The following PTPRT variants were observed in gnomAD, a reference collection of about 807,000 sequenced individuals.
PTPRT encodes protein tyrosine phosphatase receptor type T, also known as receptor-type tyrosine-protein phosphatase T.
Under a neutral mutation model 176.8 loss-of-function variants are expected in PTPRT, and 56 were observed. That is an observed-to-expected ratio of 0.32 (90% CI 0.26 to 0.40). The LOEUF (loss-of-function observed/expected upper bound fraction) is 0.40, where lower values mean the gene tolerates loss of function less well. Among genes scored for constraint, PTPRT ranks in the 10% least tolerant of loss-of-function variants. PTPRT has a pLI of 1.00. For missense variants in PTPRT, 1,540 were observed against 1,908.2 expected, an observed-to-expected ratio of 0.81 and a Z score of 3.60; for synonymous variants, 783 against 739.0, an observed-to-expected ratio of 1.06 and a Z score of -0.96.
intron 7 of PTPRT, among the ~76,000 whole-genome samples, chr20:42,659,788 G>A (rs1033942553): frequency 8.6e-5 from 13 of 152,026 alleles, no homozygotes; most frequent in Non-Finnish European, 1.2e-4. Context: ...AAATGGATTC[G>A]CTGCTTAACC....
chr20:42,835,852 T>C (rs1372687897), intron 2 of PTPRT, among the ~76,000 whole-genome samples: 1 of 152,076 alleles, frequency 6.6e-6, no homozygotes, highest in Non-Finnish European at 1.5e-5. Flanking sequence ...TTCTCCCTTC[T>C]CTTTAATCAG....
intron 14 of PTPRT, among the ~76,000 whole-genome samples, chr20:42,246,925 A>G (rs1477987161): frequency 1.3e-5 from 2 of 152,252 alleles, no homozygotes; most frequent in African/African-American, 4.8e-5. Flanking sequence ...TCTTACATGT[A>G]CAATGTGCTT....
chr20:42,880,926 A>T (rs1268583586), intron 2 of PTPRT, among the ~76,000 whole-genome samples: 3 of 152,204 alleles, frequency 2.0e-5, no homozygotes, highest in African/African-American at 7.2e-5. Context: ...CAATTCACAG[A>T]GGTGGGGTGG....
At chr20:42,208,631 A>C (rs1367900901) in intron 15 of PTPRT, among the ~76,000 whole-genome samples, 16 of 151,850 alleles carry the variant, frequency 1.1e-4, no homozygotes, top group African/African-American at 1.5e-4. Flanking sequence ...CAGGAGCACC[A>C]AGATTCATAA....
At chr20:42,456,402 A>G (rs749142653) in intron 8 of PTPRT, among the ~76,000 whole-genome samples, 19 of 152,188 alleles carry the variant, frequency 1.2e-4, no homozygotes, top group Non-Finnish European at 2.7e-4. Flanking sequence ...CCACCAATAC[A>G]GTCTTTAATA....
downstream of PTPRT, among the ~76,000 whole-genome samples, chr20:42,070,193 G>A (rs1468891812): frequency 6.6e-6 from 1 of 151,956 alleles, no homozygotes; most frequent in Non-Finnish European, 1.5e-5. Context: ...TGCATGGTAT[G>A]TTGTTGACCT....
chr20:42,399,589 T>C (rs943774833), intron 9 of PTPRT, among the ~76,000 whole-genome samples: 1 of 152,226 alleles, frequency 6.6e-6, no homozygotes, highest in African/African-American at 2.4e-5. Context: ...ATAACTCTTT[T>C]GGTAAATCCC....
At chr20:42,662,615 G>A (rs2075243487) in intron 7 of PTPRT, among the ~76,000 whole-genome samples, 1 of 152,068 alleles carries the variant, frequency 6.6e-6, no homozygotes, top group Admixed American at 6.6e-5. Context: ...TTAACAGAGG[G>A]GGAAACTGAT....
chr20:43,148,511 CAT>C (rs2014242069), intron 1 of PTPRT, among the ~76,000 whole-genome samples: 1 of 152,184 alleles, frequency 6.6e-6, no homozygotes, highest in African/African-American at 2.4e-5. Context: ...ATGCACACAG[CAT>C]GTGCTCTGTG....
chr20:42,442,395 A>G (rs757064446), intron 9 of PTPRT, among the ~76,000 whole-genome samples: 3 of 152,166 alleles, frequency 2.0e-5, no homozygotes, highest in Non-Finnish European at 4.4e-5. Context: ...GCGCTCCCAT[A>G]CAGGAATGCC....
At chr20:42,802,590 C>T (rs1432230028) in intron 2 of PTPRT, among the ~76,000 whole-genome samples, 1 of 152,220 alleles carries the variant, frequency 6.6e-6, no homozygotes, top group Non-Finnish European at 1.5e-5. Context: ...CAGCTGTTAT[C>T]CAATTAATCC....
intron 1 of PTPRT, among the ~76,000 whole-genome samples, chr20:43,154,831 TAAG>T (rs77637471): frequency 1.5e-3 from 223 of 152,158 alleles, no homozygotes; most frequent in Admixed American, 4.0e-3. Context: ...TCAAACTATA[TAAG>T]AAGTTCAAGC....
intron 7 of PTPRT, among the ~76,000 whole-genome samples, chr20:42,564,701 T>TCAA (rs2073010241): frequency 6.6e-6 from 1 of 152,180 alleles, no homozygotes; most frequent in African/African-American, 2.4e-5. Flanking sequence ...GGCACATGTA[T>TCAA]ATCTATGTAA....
intron 7 of PTPRT, among the ~76,000 whole-genome samples, chr20:42,661,692 C>T (rs572569435): frequency 6.6e-6 from 1 of 152,252 alleles, no homozygotes; most frequent in Admixed American, 6.5e-5. Context: ...CATTGACCTT[C>T]GAGACCCCCT....
intron 7 of PTPRT, among the ~76,000 whole-genome samples, chr20:42,479,651 A>C (rs1204219701): frequency 6.6e-6 from 1 of 152,218 alleles, no homozygotes; most frequent in Non-Finnish European, 1.5e-5. Context: ...ATACTAGTTC[A>C]CTATTCCTAA....
chr20:42,596,044 C>T (rs1219683687), intron 7 of PTPRT, among the ~76,000 whole-genome samples: 2 of 152,012 alleles, frequency 1.3e-5, no homozygotes, highest in Admixed American at 1.3e-4. Context: ...GAAGAGCCTC[C>T]AACAATAATT....
chr20:42,852,198 T>C (rs1267145323), intron 2 of PTPRT, among the ~76,000 whole-genome samples: 1 of 152,208 alleles, frequency 6.6e-6, no homozygotes, highest in Non-Finnish European at 1.5e-5. Context: ...TTGTCAAGTT[T>C]TAAAAACATA....
chr20:42,324,379 A>G (rs1168520844), intron 11 of PTPRT, among the ~76,000 whole-genome samples: 3 of 152,206 alleles, frequency 2.0e-5, no homozygotes, highest in African/African-American at 7.2e-5. Flanking sequence ...TGGAAATAGG[A>G]ATCAATTGTA....
At chr20:42,161,071 A>C (rs900658710) in intron 17 of PTPRT, among the ~76,000 whole-genome samples, 1 of 152,164 alleles carries the variant, frequency 6.6e-6, no homozygotes, top group Non-Finnish European at 1.5e-5. Flanking sequence ...TTGGATAATG[A>C]AAGGGGAAGG....
Sources: gnomAD v4.1 joint callset for allele counts (sites outside exome capture counted in the v4.1 genomes callset) on GRCh38, gnomAD v4.1.1 for gene constraint, MANE v1.5 for transcripts, NCBI Gene and HGNC (gene_info 2026-07-23, HGNC 2026-07-21) for gene names.